CNTLN: variants seen among roughly 807,000 people sequenced by gnomAD.
CNTLN encodes centlein, centrosomal protein.
CNTLN carries 212 observed loss-of-function variants against 180.0 expected under a neutral mutation model. The ratio of observed to expected loss-of-function variants is 1.18; its 90% CI spans 1.05 to 1.32. The LOEUF (loss-of-function observed/expected upper bound fraction) is 1.32, where lower values mean the gene tolerates loss of function less well. CNTLN is among the 40% of genes most tolerant of loss of function. The pLI, the probability that CNTLN is intolerant of heterozygous loss-of-function variation, is 0.00. For missense variants in CNTLN, 2,095 were observed against 1,610.9 expected (o/e 1.30, Z -5.14); for synonymous variants, 722 against 563.1 (o/e 1.28, Z -3.99).
intron 2 of CNTLN, among the ~76,000 whole-genome samples, chr9:17,216,754 G>T (rs150828725): frequency 6.6e-6 from 1 of 152,108 alleles, no homozygotes; most frequent in African/African-American, 2.4e-5. Flanking sequence ...AAGCACTTGG[G>T]TTACACAGCT....
intron 21 of CNTLN, among the ~76,000 whole-genome samples, chr9:17,465,124 G>GTT (rs78207270): frequency 7.3e-6 from 1 of 136,562 alleles, no homozygotes; most frequent in African/African-American, 2.6e-5. Flanking sequence ...GGTTTTTTTT[G>GTT]TTTTTTTTTT....
chr9:17,250,355 A>G (rs1043686809), intron 5 of CNTLN, among the ~76,000 whole-genome samples: 3 of 151,922 alleles, frequency 2.0e-5, no homozygotes, highest in Admixed American at 6.6e-5. Flanking sequence ...TTTAATTCAT[A>G]TATATTTAGA....
chr9:17,363,379 C>T (rs1186383281), intron 12 of CNTLN, among the ~76,000 whole-genome samples: 3 of 152,120 alleles, frequency 2.0e-5, no homozygotes, highest in Non-Finnish European at 4.4e-5. Flanking sequence ...TCCTCTCCAG[C>T]ATCTCTTGTT....
intron 5 of CNTLN, among the ~76,000 whole-genome samples, chr9:17,267,576 A>G (rs1827575109): frequency 6.6e-6 from 1 of 151,584 alleles, no homozygotes; most frequent in South Asian, 2.1e-4. Context: ...CTGAATCTGA[A>G]TGTTGGCCAA....
At chr9:17,492,833 T>C (rs1833237976) in intron 25 of CNTLN, among the ~76,000 whole-genome samples, 1 of 152,106 alleles carries the variant, frequency 6.6e-6, no homozygotes. Flanking sequence ...ATGGAAATGA[T>C]CCAAATGCCC....
chr9:17,272,112 C>T (rs957990212), intron 5 of CNTLN, among the ~76,000 whole-genome samples: 15 of 142,794 alleles, frequency 1.1e-4, no homozygotes, highest in African/African-American at 3.3e-4. Context: ...CTCCCTCCCT[C>T]CCTTCCTTCC....
intron 23 of CNTLN, among the ~76,000 whole-genome samples, chr9:17,470,721 T>C (rs1156864464): frequency 2.0e-5 from 3 of 152,030 alleles, no homozygotes; most frequent in Non-Finnish European, 4.4e-5. Context: ...CTTGTTAATG[T>C]GCCTGTATGT....
At chr9:17,294,040 G>T (rs1817607343) in intron 6 of CNTLN, among the ~76,000 whole-genome samples, 1 of 152,154 alleles carries the variant, frequency 6.6e-6, no homozygotes, top group Non-Finnish European at 1.5e-5. Flanking sequence ...GGCGTGTCCG[G>T]AGTTTGTTCC....
At chr9:17,441,626 AAGAT>A (rs1308199518) in intron 18 of CNTLN, among the ~76,000 whole-genome samples, 2 of 152,098 alleles carry the variant, frequency 1.3e-5, no homozygotes, top group African/African-American at 2.4e-5. Context: ...AATACAATGA[AAGAT>A]AGCAACAGAG....
chr9:17,409,320 A>G lies in CNTLN; in HGVS notation c.2643A>G (p.Gln881=). ...GTGATTCTGAAGCACAGACCTCTCA[A>G]ACTTTGGGAACAATTATTGTAGAAA... The part of the protein sequence containing the change: ...SSSDSEAQTS[Q]TLGTIIVETS... The change falls in exon 16 of 26, where the codon CAA becomes CAG. Residue 881 remains glutamine (Q), a synonymous_variant. Coordinates refer to ENST00000380647, the MANE Select transcript of CNTLN (RefSeq NM_017738.4). The G allele has an allele frequency of 6.2e-7, 1 of 1,612,810 alleles. No individual in the cohort carries two copies. Among genetic ancestry groups the G allele is most frequent in the Non-Finnish European group, 8.5e-7 (1 of 1,179,544 alleles).
chr9:17,145,800 C>T (rs987116971), intron 2 of CNTLN, among the ~76,000 whole-genome samples: 11 of 152,004 alleles, frequency 7.2e-5, no homozygotes, highest in Admixed American at 4.6e-4. Context: ...TCTTTTTTGT[C>T]GGATTATTTT....
At chr9:17,358,849 A>T (rs1332869994) in intron 12 of CNTLN, among the ~76,000 whole-genome samples, 1 of 152,172 alleles carries the variant, frequency 6.6e-6, no homozygotes, top group African/African-American at 2.4e-5. Context: ...ATTCCAAAAA[A>T]ACCTATTTAA....
chr9:17,154,984 C>T (rs368705812), intron 2 of CNTLN, among the ~76,000 whole-genome samples: 5 of 152,286 alleles, frequency 3.3e-5, no homozygotes, highest in East Asian at 1.9e-4. Flanking sequence ...CGAAGGTCTA[C>T]GGCTTCACTC....
At chr9:17,449,001 G>A (rs952503766) in intron 18 of CNTLN, among the ~76,000 whole-genome samples, 9 of 152,086 alleles carry the variant, frequency 5.9e-5, no homozygotes, top group African/African-American at 2.2e-4. Context: ...TTCCTATTGA[G>A]GAAAGGAGTC....
intron 5 of CNTLN, among the ~76,000 whole-genome samples, chr9:17,239,421 G>A (rs543047071): frequency 1.3e-5 from 2 of 151,294 alleles, no homozygotes; most frequent in African/African-American, 4.9e-5. Flanking sequence ...TAAATTCTTT[G>A]TTACTTTTTA....
At chr9:17,177,336 G>A (rs1820781292) in intron 2 of CNTLN, among the ~76,000 whole-genome samples, 1 of 152,118 alleles carries the variant, frequency 6.6e-6, no homozygotes, top group Admixed American at 6.5e-5. Context: ...GTGAACCCGG[G>A]AGGCGGAGCT....
In CNTLN at chr9:17,403,498, T is replaced by C. The variant is rs1451651606; in HGVS notation, c.2616-5795T>C. ...CAGAGGAAACCAACCAGTCTCTTAGTGTCAGGTTGATTACAGTAGGCCTCT... is the reference window on the plus strand; with the variant it reads ...CAGAGGAAACCAACCAGTCTCTTAGCGTCAGGTTGATTACAGTAGGCCTCT... On this transcript the variant is annotated intron_variant, in intron 15 of 25. Transcript: ENST00000380647. 3.3e-5 allele frequency among the ~76,000 whole-genome samples: 5 copies of C among 150,914 alleles called. No individual in the cohort carries two copies. The East Asian group carries it at 9.7e-4, about 29-fold the overall frequency.
intron 1 of CNTLN, among the ~76,000 whole-genome samples, chr9:17,137,668 A>G (rs974831669): frequency 6.6e-6 from 1 of 152,226 alleles, no homozygotes; most frequent in Non-Finnish European, 1.5e-5. Context: ...AGTTTAGGAA[A>G]AAGAACACTG....
intron 2 of CNTLN, among the ~76,000 whole-genome samples, chr9:17,206,182 A>G (rs1162565902): frequency 3.9e-5 from 6 of 152,164 alleles, no homozygotes; most frequent in Non-Finnish European, 5.9e-5. Flanking sequence ...GCCGATACCA[A>G]TGGGGGTGGG....
Sources: allele counts gnomAD v4.1 joint callset (sites outside exome capture counted in the v4.1 genomes callset), GRCh38; gene constraint gnomAD v4.1.1; transcripts MANE v1.5; gene names NCBI Gene and HGNC (gene_info 2026-07-23, HGNC 2026-07-21).